The following SCMH1 variants were observed in gnomAD, a reference collection of about 807,000 sequenced individuals.
SCMH1 encodes Scm polycomb group protein homolog 1.
Under a neutral mutation model 70.8 loss-of-function variants are expected in SCMH1, and 37 were observed. The observed-to-expected ratio is 0.52, with a 90% CI of 0.40 to 0.69. The LOEUF (loss-of-function observed/expected upper bound fraction) is 0.69, where lower values mean the gene tolerates loss of function less well. Among genes scored for constraint, SCMH1 ranks in the 30% least tolerant of loss-of-function variants. The pLI, the probability that SCMH1 is intolerant of heterozygous loss-of-function variation, is 0.00. For missense variants in SCMH1, 607 were observed against 827.3 expected, an observed-to-expected ratio of 0.73 and a Z score of 3.27; for synonymous variants, 292 against 307.4, an observed-to-expected ratio of 0.95 and a Z score of 0.52.
intron 1 of SCMH1, among the ~76,000 whole-genome samples, chr1:41,212,782 A>G (rs1657299696): frequency 1.3e-5 from 2 of 152,236 alleles, no homozygotes; most frequent in Admixed American, 1.3e-4. Context: ...AGTGTTTGCC[A>G]CTAGGCACAA....
intron 1 of SCMH1, among the ~76,000 whole-genome samples, chr1:41,235,121 T>C (rs375676939): frequency 2.0e-5 from 3 of 152,120 alleles, no homozygotes; most frequent in South Asian, 4.1e-4. Context: ...TACATTAGAT[T>C]GAATAGGCCA....
chr1:41,139,834 T>C (rs1643886028), intron 6 of SCMH1, among the ~76,000 whole-genome samples: 1 of 152,158 alleles, frequency 6.6e-6, no homozygotes. Context: ...TACTCTGTTT[T>C]ATAGACTTGA....
chr1:41,198,434 T>C (rs1337455723), intron 1 of SCMH1, among the ~76,000 whole-genome samples: 1 of 152,236 alleles, frequency 6.6e-6, no homozygotes, highest in Non-Finnish European at 1.5e-5. Flanking sequence ...GAGATTGTCA[T>C]AGGCTTATTT....
intron 1 of SCMH1, among the ~76,000 whole-genome samples, chr1:41,219,438 T>C (rs959350533): frequency 6.6e-6 from 1 of 152,164 alleles, no homozygotes; most frequent in African/African-American, 2.4e-5. Context: ...GAGACTGGCA[T>C]CTGAAATGGG....
intron 8 of SCMH1, among the ~76,000 whole-genome samples, chr1:41,076,957 T>C (rs1658461782): frequency 6.6e-6 from 1 of 152,222 alleles, no homozygotes; most frequent in African/African-American, 2.4e-5. Context: ...AGGACCACTC[T>C]GACTGCTTTG....
At chr1:41,111,764 T>C (rs1669303947) in intron 8 of SCMH1, among the ~76,000 whole-genome samples, 1 of 152,230 alleles carries the variant, frequency 6.6e-6, no homozygotes, top group Admixed American at 6.5e-5. Flanking sequence ...TCTGCCTGCC[T>C]GGAAGTCTCT....
chr1:41,149,640 G>A (rs1471232968), intron 5 of SCMH1, among the ~76,000 whole-genome samples: 3 of 152,144 alleles, frequency 2.0e-5, no homozygotes, highest in Non-Finnish European at 2.9e-5. Flanking sequence ...AGTTATTTGT[G>A]AAGTAGTTTG....
At chr1:41,177,176 G>C (rs1478429048) in intron 2 of SCMH1, among the ~76,000 whole-genome samples, 1 of 152,200 alleles carries the variant, frequency 6.6e-6, no homozygotes, top group Non-Finnish European at 1.5e-5. Flanking sequence ...TGCAGCTGAG[G>C]GTCCTGACTG....
exon 6 of SCMH1, chr1:41,142,883 G>C: frequency 6.2e-7 from 1 of 1,612,670 alleles, no homozygotes; most frequent in Non-Finnish European, 8.5e-7. Context: ...CTCACCAAGA[G>C]GTGGCTGTAG....
intron 1 of SCMH1, among the ~76,000 whole-genome samples, chr1:41,212,264 G>A (rs1226869370): frequency 6.6e-6 from 1 of 152,162 alleles, no homozygotes; most frequent in Non-Finnish European, 1.5e-5. Context: ...GATGGAAGGA[G>A]TTGGGAGACA....
rs115486844 is a variant in SCMH1, at chr1:41,075,856, T to C, written c.746-405A>G. Among the ~76,000 whole-genome samples the C allele has an allele frequency of 2.0e-3, 299 of 152,232 alleles. 2 individuals carry two copies. The highest frequency in any genetic ancestry group is 6.8e-3 in the African/African-American group (281 of 41,542). Reference sequence around the variant, plus strand: ...GACACAATGCCCTCCGCAGGTTACATAGTGAGTTGGGATAAGAACTTGTTT... The same window carrying C: ...GACACAATGCCCTCCGCAGGTTACACAGTGAGTTGGGATAAGAACTTGTTT... On this transcript the variant is annotated intron_variant, in intron 8 of 14. Coordinates refer to ENST00000337495, the Ensembl canonical transcript of SCMH1.
chr1:41,085,838 C>CTTTTTT (rs59678945), intron 8 of SCMH1, among the ~76,000 whole-genome samples: 1 of 85,612 alleles, frequency 1.2e-5, no homozygotes, highest in Non-Finnish European at 2.1e-5. Context: ...ATTTCACCTG[C>CTTTTTT]TTTTTTTTTT....
At chr1:41,106,935 G>A (rs1030302051) in intron 8 of SCMH1, among the ~76,000 whole-genome samples, 2 of 151,596 alleles carry the variant, frequency 1.3e-5, no homozygotes, top group East Asian at 3.9e-4. Context: ...TGATCCACCC[G>A]CCTCTGCCTC....
At position 41,229,859 on chromosome 1, in the gene SCMH1, G is replaced by A. The variant is rs970628453; in HGVS notation, c.-118+12200C>T. ...CTATAACAGAATTAACAGAGTGACT[G>A]TGGAAGGGCAGTCAGTATGGCCTCT... is the stretch of plus-strand genomic sequence containing the variant. On this transcript the variant is annotated intron_variant, in intron 1 of 14. Transcript: ENST00000337495. 3.9e-5 allele frequency among the ~76,000 whole-genome samples: 6 copies of A among 152,310 alleles called. 1 individual carries two copies. Among genetic ancestry groups the A allele is most frequent in the Non-Finnish European group, 2.9e-5 (2 of 68,022 alleles).
chr1:41,150,872 G>A (rs1332342231), intron 5 of SCMH1, among the ~76,000 whole-genome samples: 1 of 141,850 alleles, frequency 7.0e-6, no homozygotes. Flanking sequence ...AGGAGGCGGA[G>A]CTTGCATTAA....
At chr1:41,034,738 A>G (rs567093862) in intron 13 of SCMH1, among the ~76,000 whole-genome samples, 1 of 152,188 alleles carries the variant, frequency 6.6e-6, no homozygotes, top group African/African-American at 2.4e-5. Context: ...TGGAAGTGAC[A>G]TTCTCCTGGC....
chr1:41,151,345 A>C (rs1471647370), intron 5 of SCMH1, among the ~76,000 whole-genome samples: 2 of 152,224 alleles, frequency 1.3e-5, no homozygotes, highest in African/African-American at 2.4e-5. Flanking sequence ...TCTAGTAAAA[A>C]TTAGCAGTTG....
intron 5 of SCMH1, among the ~76,000 whole-genome samples, chr1:41,145,347 C>G (rs1644457493): frequency 1.3e-5 from 2 of 152,030 alleles, no homozygotes; most frequent in African/African-American, 4.8e-5. Flanking sequence ...TGTCTTGGTA[C>G]CCTTGTCAAA....
At chr1:41,050,942 CTA>C (rs1234711382) in intron 10 of SCMH1, among the ~76,000 whole-genome samples, 2 of 151,992 alleles carry the variant, frequency 1.3e-5, no homozygotes, top group East Asian at 3.9e-4. Flanking sequence ...ACTGAAATAA[CTA>C]AAAATGCAGG....
Sources: gnomAD v4.1 joint callset for allele counts (sites outside exome capture counted in the v4.1 genomes callset) on GRCh38, gnomAD v4.1.1 for gene constraint, MANE v1.5 for transcripts, NCBI Gene and HGNC (gene_info 2026-07-23, HGNC 2026-07-21) for gene names.